ATF7IP: variants seen among roughly 807,000 people sequenced by gnomAD.
ATF7IP encodes activating transcription factor 7 interacting protein, also known as activating transcription factor 7-interacting protein 1.
Under a neutral mutation model 106.4 loss-of-function variants are expected in ATF7IP, and 23 were observed. The ratio of observed to expected loss-of-function variants is 0.22; its 90% CI spans 0.16 to 0.31. The LOEUF (loss-of-function observed/expected upper bound fraction) is 0.31, where lower values mean the gene tolerates loss of function less well. ATF7IP is among the 10% of genes least tolerant of loss of function. The pLI is 1.00. For synonymous variants in ATF7IP, 542 were observed against 539.0 expected (o/e 1.01, Z -0.08); for missense variants, 1,334 against 1,524.3 (o/e 0.88, Z 2.08).
At chr12:14,379,460 G>A (rs558749340) in intron 1 of ATF7IP, among the ~76,000 whole-genome samples, 183 of 152,200 alleles carry the variant, frequency 1.2e-3, no homozygotes, top group African/African-American at 4.3e-3. Context: ...CATCAGTGAA[G>A]ATTTCCTTCA....
chr12:14,483,443 A>G (rs1003381160), intron 13 of ATF7IP, among the ~76,000 whole-genome samples: 2 of 152,178 alleles, frequency 1.3e-5, no homozygotes, highest in Admixed American at 1.3e-4. Flanking sequence ...TAAAGGTAAG[A>G]GGAGCCCAAA....
chr12:14,476,048 C>T, intron 11 of ATF7IP, 80 bp downstream of exon 11: 1 of 1,001,082 alleles, frequency 1.0e-6, no homozygotes, highest in East Asian at 2.5e-5. Flanking sequence ...TCTACAAAGA[C>T]AGATGTTTAT....
intron 6 of ATF7IP, among the ~76,000 whole-genome samples, chr12:14,455,131 T>C (rs1459949253): frequency 1.3e-5 from 2 of 148,230 alleles, no homozygotes; most frequent in African/African-American, 2.5e-5. Flanking sequence ...TGAGCCAAGA[T>C]GGTGCCGCAG....
chr12:14,375,582 A>C (rs1197216171), intron 1 of ATF7IP, among the ~76,000 whole-genome samples: 1 of 152,242 alleles, frequency 6.6e-6, no homozygotes, highest in Non-Finnish European at 1.5e-5. Flanking sequence ...AAGAAAAAAC[A>C]AAAAATTTTC....
intron 2 of ATF7IP, among the ~76,000 whole-genome samples, chr12:14,428,638 A>C (rs1941978460): frequency 6.6e-6 from 1 of 152,172 alleles, no homozygotes; most frequent in Non-Finnish European, 1.5e-5. Context: ...GAAGTACTAA[A>C]GTTGGCTTCA....
At chr12:14,442,817 T>C (rs956721965) in intron 5 of ATF7IP, among the ~76,000 whole-genome samples, 25 of 152,312 alleles carry the variant, frequency 1.6e-4, no homozygotes, top group South Asian at 1.0e-3. Context: ...TAAGAACGTT[T>C]TTATGTTAAC....
intron 1 of ATF7IP, among the ~76,000 whole-genome samples, chr12:14,401,714 CTTTTTTTT>C (rs3083699): frequency 6.5e-5 from 5 of 76,882 alleles, no homozygotes; most frequent in Non-Finnish European, 1.2e-4. Flanking sequence ...AGAGATTAAG[CTTTTTTTT>C]TTTTTTTTTT....
chr12:14,491,704 T>TA (rs1362755993), intron 13 of ATF7IP, among the ~76,000 whole-genome samples: 1 of 152,188 alleles, frequency 6.6e-6, no homozygotes, highest in African/African-American at 2.4e-5. Flanking sequence ...TGGTGGGCCT[T>TA]ATGGACAGAA....
intron 3 of ATF7IP, among the ~76,000 whole-genome samples, chr12:14,435,721 A>G (rs939084328): frequency 6.6e-6 from 1 of 152,238 alleles, no homozygotes; most frequent in African/African-American, 2.4e-5. Context: ...ATAGTTAAAA[A>G]TCTGACATGA....
At chr12:14,385,530 C>T (rs1360736730) in intron 1 of ATF7IP, 2 of 733,232 alleles carry the variant, frequency 2.7e-6, no homozygotes, top group South Asian at 1.9e-5. Flanking sequence ...TTTGGTAGAA[C>T]CTTTAAGCCT....
chr12:14,483,515 G>T (rs540734567), intron 13 of ATF7IP, among the ~76,000 whole-genome samples: 1 of 151,992 alleles, frequency 6.6e-6, no homozygotes, highest in Admixed American at 6.5e-5. Context: ...TGGTGGGAGC[G>T]TTCCTCCCTC....
rs749376100 is a variant in ATF7IP at position 14,460,730 on chromosome 12, A to G, written c.2394A>G (p.Leu798=). The change falls in exon 9 of 15, where the codon CTA becomes CTG. Residue 798 remains leucine, a synonymous_variant. Coordinates refer to ENST00000261168, the MANE Select transcript of ATF7IP (RefSeq NM_018179.5). ...PVAVSSQPQL[L]QSHPGTLVTN... Reference sequence around the variant, plus strand: ...CAGTATCCTCCCAGCCTCAGCTTCTACAGAGCCATCCAGGGACTTTGGTGA... The same window carrying G: ...CAGTATCCTCCCAGCCTCAGCTTCTGCAGAGCCATCCAGGGACTTTGGTGA... 2 of 1,614,088 alleles carry G rather than the reference A, an allele frequency of 1.2e-6. No homozygotes were observed. Among genetic ancestry groups the G allele is most frequent in the Admixed American group, 1.7e-5 (1 of 59,994 alleles).
chr12:14,460,917 G>A lies in ATF7IP; in HGVS notation c.2581G>A (p.Ala861Thr), dbSNP rs972294454. 1.2e-6 allele frequency: 2 copies of A among 1,614,116 alleles called. No individual in the cohort carries two copies. Among genetic ancestry groups the A allele is most frequent in the Non-Finnish European group, 1.7e-6 (2 of 1,180,016 alleles). ...PSPSIQRNPT[A>T]SAAPLGTTLA... ...TCCTAGTATTCAAAGGAACCCTACT[G>A]CCAGTGCTGCACCATTGGGAACAAC... Residue 861 changes from alanine (A) to threonine (T), a missense_variant, in exon 9 of 15, where the codon GCC becomes ACC. Physicochemically the swap from Ala to Thr is moderately conservative, Grantham distance 58. Coordinates refer to ENST00000261168, the MANE Select transcript of ATF7IP (RefSeq NM_018179.5).
chr12:14,427,610 T>G (rs1426249451), intron 2 of ATF7IP, among the ~76,000 whole-genome samples: 1 of 152,138 alleles, frequency 6.6e-6, no homozygotes, highest in Non-Finnish European at 1.5e-5. Flanking sequence ...GTGATCCTCC[T>G]GCCTCAGCCT....
chr12:14,370,813 G>A (rs920587645), intron 1 of ATF7IP, among the ~76,000 whole-genome samples: 8 of 151,942 alleles, frequency 5.3e-5, no homozygotes, highest in African/African-American at 1.7e-4. Context: ...AGTAGTATCA[G>A]TATGAAGTTA....
At chr12:14,403,549 C>T (rs984017355) in intron 1 of ATF7IP, among the ~76,000 whole-genome samples, 21 of 152,144 alleles carry the variant, frequency 1.4e-4, no homozygotes, top group Admixed American at 1.2e-3. Context: ...GGTGGCTGAT[C>T]GAATTTTTTT....
intron 4 of ATF7IP, 138 bp from the exon 5 acceptor site, chr12:14,437,992 G>C: frequency 1.5e-6 from 1 of 671,154 alleles, no homozygotes; most frequent in Non-Finnish European, 2.3e-6. Context: ...GGCGGAGCTT[G>C]CAGTGAGCCG....
At chr12:14,449,270 G>T (rs1943104364) in intron 6 of ATF7IP, among the ~76,000 whole-genome samples, 1 of 151,932 alleles carries the variant, frequency 6.6e-6, no homozygotes, top group Non-Finnish European at 1.5e-5. Context: ...GAATTTTATG[G>T]TTTTAGGTCT....
At position 14,447,052 on chromosome 12, in the gene ATF7IP, A is replaced by C; in HGVS notation, c.1994A>C (p.Glu665Ala). The C allele has an allele frequency of 6.3e-7, 1 of 1,594,188 alleles. No individual in the cohort carries two copies. Among genetic ancestry groups the C allele is most frequent in the Non-Finnish European group, 8.5e-7 (1 of 1,172,298 alleles). ...AAKEDLKKRH[E>A]HPPNPPVSPG... is the part of the protein sequence containing the mutation. Reference sequence around the variant, plus strand: ...AAAGAAGATCTTAAGAAAAGACATGAAGTAAAATTTTTCTATTCTTGCATA... The same window carrying C: ...AAAGAAGATCTTAAGAAAAGACATGCAGTAAAATTTTTCTATTCTTGCATA... The change falls in exon 6 of 15, where the codon GAA becomes GCA. Residue 665 changes from glutamate (E) to alanine (A), a missense_variant and splice_region_variant. By Grantham distance (107) the Glu-to-Ala change is moderately radical. Transcript: ENST00000261168.
Sources: allele counts gnomAD v4.1 joint callset (sites outside exome capture counted in the v4.1 genomes callset), GRCh38; gene constraint gnomAD v4.1.1; transcripts MANE v1.5; gene names NCBI Gene and HGNC (gene_info 2026-07-23, HGNC 2026-07-21).